EIF4ENIF1: variants seen among roughly 807,000 people sequenced by gnomAD.
EIF4ENIF1 encodes the protein eukaryotic translation initiation factor 4E nuclear import factor 1.
In EIF4ENIF1, 23 loss-of-function variants were observed where a neutral mutation model predicts 110.5. The ratio of observed to expected loss-of-function variants is 0.21; its 90% confidence interval spans 0.15 to 0.29. The LOEUF (loss-of-function observed/expected upper bound fraction) is 0.29. EIF4ENIF1 is among the 10% of genes least tolerant of loss of function. EIF4ENIF1 has a pLI of 1.00. For missense variants in EIF4ENIF1, 1,031 were observed against 1,221.1 expected, an observed-to-expected ratio of 0.84 and a Z score of 2.32; for synonymous variants, 440 against 437.0, an observed-to-expected ratio of 1.01 and a Z score of -0.09.
intron 7 of EIF4ENIF1, among the ~76,000 whole-genome samples, chr22:31,456,800 A>G (rs1384301388): frequency 1.3e-5 from 2 of 152,190 alleles, no homozygotes; most frequent in East Asian, 1.9e-4. Flanking sequence ...GATTACAGGC[A>G]TGAACCACCA....
At chr22:31,492,613 G>T (rs1358129643), upstream of EIF4ENIF1, among the ~76,000 whole-genome samples, 1 of 152,234 alleles carries the variant, frequency 6.6e-6, no homozygotes, top group Non-Finnish European at 1.5e-5. Context: ...AATAATCTAA[G>T]GGAGGCTTCC....
In EIF4ENIF1 at chr22:31,450,631, T is replaced by C. The variant is rs148093114; in HGVS notation, c.1513-271A>G. 9.6e-4 allele frequency: 315 copies of C among 327,846 alleles called. 1 individual carries two copies. The highest frequency in any genetic ancestry group is 6.5e-3 in the African/African-American group (306 of 47,070). The allele number at this position is 327,846 out of a possible 1,614,324, so 20.3% of individuals were successfully genotyped here. On this transcript the variant is annotated intron_variant, in intron 10 of 18. Transcript: ENST00000330125. ...GTCCATTTCCCTGTTTCTAACACTG[T>C]GACCAAAAGGGGGAAAAATGGTGAA... is the stretch of plus-strand genomic sequence containing the variant.
chr22:31,438,183 C>G (rs1453785866), downstream of EIF4ENIF1, among the ~76,000 whole-genome samples: 1 of 152,076 alleles, frequency 6.6e-6, no homozygotes, highest in Non-Finnish European at 1.5e-5. Context: ...CTAAAATGGT[C>G]CTGAATGGAC....
intron 10 of EIF4ENIF1, among the ~76,000 whole-genome samples, chr22:31,452,556 C>T (rs770560451): frequency 6.6e-5 from 10 of 152,264 alleles, no homozygotes; most frequent in Non-Finnish European, 1.3e-4. Flanking sequence ...GGAAAAACAT[C>T]AGGTAAACTG....
At chr22:31,443,547 C>T (rs1292383162) in intron 15 of EIF4ENIF1, 2 of 154,630 alleles carry the variant, frequency 1.3e-5, no homozygotes, top group African/African-American at 2.4e-5. Flanking sequence ...CATTTGGAGT[C>T]ATTTCTTACC....
At chr22:31,464,717 TATATATATA>T (rs1569088885) in intron 4 of EIF4ENIF1, among the ~76,000 whole-genome samples, 3 of 94,828 alleles carry the variant, frequency 3.2e-5, no homozygotes, top group Admixed American at 1.1e-4. Flanking sequence ...TATATATATA[TATATATATA>T]AACAGATATA....
intron 14 of EIF4ENIF1, among the ~76,000 whole-genome samples, chr22:31,446,436 T>A (rs548635139): frequency 6.6e-6 from 1 of 152,088 alleles, no homozygotes; most frequent in African/African-American, 2.4e-5. Flanking sequence ...GTGCTATAAA[T>A]AGGATGTGCT....
At chr22:31,446,142 G>A (rs759749292) in intron 14 of EIF4ENIF1, among the ~76,000 whole-genome samples, 9 of 151,676 alleles carry the variant, frequency 5.9e-5, no homozygotes, top group African/African-American at 1.7e-4. Flanking sequence ...AAAACTAGCC[G>A]GGTGTGGTGG....
chr22:31,441,930 C>T lies in EIF4ENIF1; in HGVS notation c.2395G>A (p.Val799Ile), dbSNP rs2050313180. The T allele has an allele frequency of 1.9e-6, 3 of 1,614,124 alleles. No individual in the cohort carries two copies. In the East Asian group the frequency reaches 6.7e-5, roughly 36 times the overall value. The part of the protein sequence containing the change: ...GRKTPTLASP[V>I]PTTPFLRPVH... ...GGGCGGAGAAAAGGTGTTGTAGGAA[C>T]TGGGGATGCCAAGGTGGGTGTTTTT... The change falls in exon 17 of 19, where the codon GTT becomes ATT. Residue 799 changes from valine (V) to isoleucine (I), a missense_variant. By Grantham distance (29) the Val-to-Ile change is conservative. Coordinates refer to ENST00000330125, the MANE Select transcript of EIF4ENIF1 (RefSeq NM_019843.4).
At chr22:31,444,921 G>T (rs1049175285) in intron 14 of EIF4ENIF1, among the ~76,000 whole-genome samples, 2 of 152,170 alleles carry the variant, frequency 1.3e-5, no homozygotes, top group Admixed American at 1.3e-4. Flanking sequence ...AGTCTAGCGG[G>T]GGAGACAATC....
intron 9 of EIF4ENIF1, among the ~76,000 whole-genome samples, chr22:31,454,795 A>G (rs2145947911): frequency 1.3e-5 from 2 of 152,318 alleles, no homozygotes; most frequent in Middle Eastern, 6.8e-3. Context: ...AGCCTAAGCA[A>G]GAACATGGAA....
chr22:31,444,320 C>T, intron 15 of EIF4ENIF1: 1 of 313,972 alleles, frequency 3.2e-6, no homozygotes, highest in Non-Finnish European at 6.2e-6. Context: ...CCTGTCTCCC[C>T]ACACCTGGTT....
In EIF4ENIF1 at chr22:31,440,851, T is replaced by C. The variant is rs1188029663; in HGVS notation, c.2569A>G (p.Met857Val). 1 of 1,613,950 alleles carries C rather than the reference T, an allele frequency of 6.2e-7. No homozygotes were observed. Among genetic ancestry groups the C allele is most frequent in the Admixed American group, 1.7e-5 (1 of 60,000 alleles). ...LLQTGVLPPG[M>V]DLSHLQGISG... Reference sequence around the variant, plus strand: ...ATTCCCTGTAAATGACTCAAGTCCATCCCAGGAGGAAGCACACCTGTTGAG... The same window carrying C: ...ATTCCCTGTAAATGACTCAAGTCCACCCCAGGAGGAAGCACACCTGTTGAG... Residue 857 changes from methionine (M) to valine (V), a missense_variant, in exon 18 of 19, where the codon ATG becomes GTG. Transcript: ENST00000330125.
chr22:31,478,720 G>C (rs912879761), intron 2 of EIF4ENIF1, among the ~76,000 whole-genome samples: 1 of 151,794 alleles, frequency 6.6e-6, no homozygotes. Flanking sequence ...GGGAGGCTGA[G>C]GCGGGCGGAT....
chr22:31,492,137 T>C (rs530197497), upstream of EIF4ENIF1, among the ~76,000 whole-genome samples: 10 of 152,184 alleles, frequency 6.6e-5, no homozygotes, highest in Non-Finnish European at 1.2e-4. Context: ...CCTCTCCCTG[T>C]GTCTGAGCTT....
At chr22:31,491,793 T>C (rs1282912348), upstream of EIF4ENIF1, among the ~76,000 whole-genome samples, 1 of 152,152 alleles carries the variant, frequency 6.6e-6, no homozygotes, top group Non-Finnish European at 1.5e-5. Context: ...TCCTCCTGCC[T>C]CAGCCTCCAA....
rs546833138 is a variant in EIF4ENIF1, at chr22:31,487,264, G to A, written c.96+1359C>T. Reference sequence around the variant, plus strand: ...GAAAAAGTTTTCTATCAACTTACATGCTGTCATACCAAAACAGATCATCCT... The same window carrying A: ...GAAAAAGTTTTCTATCAACTTACATACTGTCATACCAAAACAGATCATCCT... On this transcript the variant is annotated intron_variant, in intron 2 of 18. Transcript: ENST00000330125. 2.0e-5 allele frequency among the ~76,000 whole-genome samples: 3 copies of A among 152,262 alleles called. No homozygotes were observed. The South Asian group carries it at 6.2e-4, about 32-fold the overall frequency.
At position 31,488,725 on chromosome 22, in the gene EIF4ENIF1, T is replaced by C; in HGVS notation, c.-7A>G. The C allele has an allele frequency of 1.2e-6, 2 of 1,614,064 alleles. No homozygotes were observed. Among genetic ancestry groups the C allele is most frequent in the Admixed American group, 1.7e-5 (1 of 60,008 alleles). The stretch of plus-strand genomic sequence containing the variant: ...CCATACTTCTCCTATCCATGGCTCC[T>C]TGGTCTACAATGCTCTGCACCTGGA... On this transcript the variant is annotated 5_prime_UTR_variant, in exon 2 of 19. Coordinates refer to ENST00000330125, the MANE Select transcript of EIF4ENIF1 (RefSeq NM_019843.4).
At chr22:31,448,571 T>TTC (rs2050550060) in intron 12 of EIF4ENIF1, among the ~76,000 whole-genome samples, 1 of 152,196 alleles carries the variant, frequency 6.6e-6, no homozygotes, top group Non-Finnish European at 1.5e-5. Context: ...AGAATACACA[T>TTC]TCTCTCCATT....
Sources: allele counts gnomAD v4.1 joint callset (sites outside exome capture counted in the v4.1 genomes callset), GRCh38; gene constraint gnomAD v4.1.1; transcripts MANE v1.5; gene names NCBI Gene and HGNC (gene_info 2026-07-23, HGNC 2026-07-21).